Variants in DLEC1 observed in about 807,000 individuals in gnomAD.
The protein encoded by DLEC1 is DLEC1 cilia and flagella associated protein.
DLEC1 carries 146 observed loss-of-function variants against 198.1 expected under a neutral mutation model. The observed-to-expected ratio is 0.74, with a 90% CI of 0.64 to 0.85. The LOEUF (loss-of-function observed/expected upper bound fraction) is 0.85. Ranked by LOEUF, DLEC1 falls within the 40% of genes least tolerant of loss-of-function variation. The probability of loss-of-function intolerance (pLI) is 0.00; values close to 1 mark genes in which losing one functional copy is unlikely to be tolerated. For missense variants in DLEC1, 2,233 were observed against 2,220.0 expected (o/e 1.01, Z -0.12); for synonymous variants, 897 against 866.8 (o/e 1.03, Z -0.61).
chr3:38,081,920 G>A (rs868720839), intron 6 of DLEC1, among the ~76,000 whole-genome samples: 6,571 of 142,368 alleles, frequency 0.046, 69 homozygotes, highest in Middle Eastern at 0.075. Context: ...CCTCCCGGAC[G>A]GGGTGGCTGC....
At chr3:38,050,104 C>T (rs1377332639) in intron 2 of DLEC1, among the ~76,000 whole-genome samples, 1 of 151,650 alleles carries the variant, frequency 6.6e-6, no homozygotes. Context: ...GGTCTCGCTT[C>T]ATCACCCAGG....
chr3:38,067,339 G>A (rs1005906957), intron 6 of DLEC1, among the ~76,000 whole-genome samples: 3 of 152,214 alleles, frequency 2.0e-5, no homozygotes, highest in African/African-American at 4.8e-5. Context: ...AGGAAGGCAT[G>A]GAATGTGGTA....
chr3:38,108,598 C>T, intron 21 of DLEC1, 83 bp downstream of exon 21: 1 of 1,090,290 alleles, frequency 9.2e-7, no homozygotes, highest in Non-Finnish European at 1.4e-6. Flanking sequence ...GAGGCCCTAG[C>T]TTAGGCCACA....
intron 6 of DLEC1, among the ~76,000 whole-genome samples, chr3:38,082,194 G>A (rs1294323329): frequency 7.7e-5 from 11 of 142,544 alleles, no homozygotes; most frequent in Non-Finnish European, 1.4e-4. Flanking sequence ...CATCTCAGAC[G>A]ATGGGCGGCC....
At chr3:38,107,775 C>T (rs1699645158) in intron 20 of DLEC1, 38 bp downstream of exon 20, 1 of 1,603,596 alleles carries the variant, frequency 6.2e-7, no homozygotes, top group Non-Finnish European at 8.5e-7. Context: ...AGTCTGCAGC[C>T]CTCAGCCACA....
intron 6 of DLEC1, among the ~76,000 whole-genome samples, chr3:38,065,646 A>C (rs1412965733): frequency 6.6e-6 from 1 of 152,224 alleles, no homozygotes; most frequent in African/African-American, 2.4e-5. Context: ...TACATCAATT[A>C]GTATCTCTAA....
chr3:38,104,874 G>A (rs192347555), intron 19 of DLEC1, among the ~76,000 whole-genome samples: 1 of 152,008 alleles, frequency 6.6e-6, no homozygotes, highest in African/African-American at 2.4e-5. Context: ...GTTTCTTAAG[G>A]TAAAAGCTGA....
intron 10 of DLEC1, among the ~76,000 whole-genome samples, chr3:38,088,635 C>T (rs1698590318): frequency 6.6e-6 from 1 of 152,186 alleles, no homozygotes; most frequent in African/African-American, 2.4e-5. Context: ...TAGTCCACAC[C>T]TTTAGTCTGG....
chr3:38,110,169 C>T lies in DLEC1; in HGVS notation c.3331C>T (p.Arg1111Cys), dbSNP rs200013784. The change falls in exon 23 of 37, where the codon CGT becomes TGT. Residue 1111 changes from arginine to cysteine, a missense_variant. Transcript: ENST00000308059. ...TGGCTCAGCGGTGCCACTGAGGACC[C>T]GTGTGACTCGCCAGCTCATTCTCAC... ...DFGSAVPLRTRVTRQLILTNR... is the reference protein window; with the variant it reads ...DFGSAVPLRTCVTRQLILTNR... 7.2e-5 allele frequency: 117 copies of T among 1,614,186 alleles called. No individual in the cohort carries two copies. In the African/African-American group the frequency reaches 7.3e-4, roughly 10 times the overall value.
rs759832044 is a variant in DLEC1 at position 38,117,322 on chromosome 3, C to T, written c.4400+20C>T. The T allele has an allele frequency of 6.2e-7, 1 of 1,612,874 alleles. No individual in the cohort carries two copies. The highest frequency in any genetic ancestry group is 2.2e-5 in the East Asian group (1 of 44,764). On this transcript the variant is annotated intron_variant, in intron 31 of 36. Transcript: ENST00000308059. ...TGCACAGTGAGTCAGCTGGGGTGCC[C>T]CATCTCCTTTCATCCCCATGGGGTG...
rs1325037107 is a variant in DLEC1 at position 38,097,184 on chromosome 3, G to A, written c.2343G>A (p.Met781Ile). The change falls in exon 16 of 37, where the codon ATG becomes ATA. Residue 781 changes from methionine (M) to isoleucine (I), a missense_variant and splice_region_variant. Physicochemically the swap from Met to Ile is conservative, Grantham distance 10. Transcript: ENST00000308059. The stretch of plus-strand genomic sequence containing the variant: ...GCCTGGTCTCGGGTGTCTTTCAGAT[G>A]TGGAACAACAGCAAGTCACCCATCA... The part of the protein sequence containing the change: ...IGINVKKAFK[M>I]WNNSKSPIRY... 7 of 1,570,648 alleles carry A rather than the reference G, an allele frequency of 4.5e-6. No individual in the cohort carries two copies. The highest frequency in any genetic ancestry group is 6.1e-6 in the Non-Finnish European group (7 of 1,156,538).
At chr3:38,045,424 A>T (rs560884619) in intron 1 of DLEC1, 119 bp from the exon 2 acceptor site, 8 of 1,331,432 alleles carry the variant, frequency 6.0e-6, no homozygotes, top group Non-Finnish European at 8.0e-6. Context: ...TGGTTGGAAT[A>T]GTTCTCTGAC....
Position 38,117,519 on chromosome 3 carries a change from C to T in DLEC1, c.4401-8C>T. On this transcript the variant is annotated splice_region_variant and splice_polypyrimidine_tract_variant and intron_variant, in intron 31 of 36. Transcript: ENST00000308059. ...CGGCTTGCCCCAACAATGCCTATTG[C>T]TGGGCAGGCTAAGTGTGGAGCTGGA... 1 of 1,614,178 alleles carries T rather than the reference C, an allele frequency of 6.2e-7. No individual in the cohort carries two copies. Among genetic ancestry groups the T allele is most frequent in the Non-Finnish European group, 8.5e-7 (1 of 1,179,992 alleles).
chr3:38,063,424 A>G (rs948578932), intron 5 of DLEC1, among the ~76,000 whole-genome samples: 2 of 152,166 alleles, frequency 1.3e-5, no homozygotes, highest in Non-Finnish European at 2.9e-5. Context: ...AGATTGTGCC[A>G]CTGCACTCCA....
At chr3:38,066,174 T>G (rs1457401191) in intron 6 of DLEC1, among the ~76,000 whole-genome samples, 1 of 152,240 alleles carries the variant, frequency 6.6e-6, no homozygotes, top group African/African-American at 2.4e-5. Context: ...GAAATTCTGA[T>G]TCATTCTCTA....
At position 38,107,708 on chromosome 3, in the gene DLEC1, C is replaced by G. The variant is rs749029429; in HGVS notation, c.2989C>G (p.Leu997Val). The G allele has an allele frequency of 3.7e-6, 6 of 1,614,096 alleles. No individual in the cohort carries two copies. In the Admixed American group the frequency reaches 1.0e-4, roughly 27 times the overall value. Residue 997 changes from leucine (L) to valine (V), a missense_variant, in exon 20 of 37, where the codon CTC (leucine) becomes GTC (valine). Physicochemically the swap from Leu to Val is conservative, Grantham distance 32. Transcript: ENST00000308059. The part of the protein sequence containing the change: ...KTTITLINGT[L>V]LPTQFHWGKL... ...AACCATCACACTTATCAATGGCACG[C>G]TCCTGCCTACCCAGTTCCACTGGGG...
At chr3:38,040,658 C>T (rs1178715569) in intron 1 of DLEC1, among the ~76,000 whole-genome samples, 1 of 152,194 alleles carries the variant, frequency 6.6e-6, no homozygotes, top group African/African-American at 2.4e-5. Context: ...GAACTTCAGA[C>T]TCACATCCCT....
intron 6 of DLEC1, among the ~76,000 whole-genome samples, chr3:38,080,215 G>C (rs558964721): frequency 6.6e-6 from 1 of 152,120 alleles, no homozygotes; most frequent in Non-Finnish European, 1.5e-5. Flanking sequence ...GGCTAGTCAC[G>C]GAACGAAACT....
chr3:38,122,091 G>A lies in DLEC1; in HGVS notation c.5041G>A (p.Ala1681Thr). The A allele has an allele frequency of 6.2e-7, 1 of 1,614,080 alleles. No individual in the cohort carries two copies. Among genetic ancestry groups the A allele is most frequent in the East Asian group, 2.2e-5 (1 of 44,880 alleles). Residue 1681 changes from alanine (A) to threonine (T), a missense_variant, in exon 36 of 37, where the codon GCC (alanine) becomes ACC (threonine). Transcript: ENST00000308059. The part of the protein sequence containing the change: ...MLMGQQEPAK[A>T]AVAFRVSPNS... Reference sequence around the variant, plus strand: ...TGCAGGCCAGCAGGAGCCAGCCAAGGCCGCTGTGGCCTTCAGGGTCTCCCC... The same window carrying A: ...TGCAGGCCAGCAGGAGCCAGCCAAGACCGCTGTGGCCTTCAGGGTCTCCCC...
Sources: allele counts gnomAD v4.1 joint callset (sites outside exome capture counted in the v4.1 genomes callset), GRCh38; gene constraint gnomAD v4.1.1; transcripts MANE v1.5; gene names NCBI Gene and HGNC (gene_info 2026-07-23, HGNC 2026-07-21).